PLXNA2: variants seen among roughly 807,000 people sequenced by gnomAD.
PLXNA2 encodes plexin A2.
A neutral mutation model predicts 193.5 loss-of-function variants in PLXNA2; 91 were observed. That is an observed-to-expected ratio of 0.47 (90% CI 0.40 to 0.56). The LOEUF is 0.56. PLXNA2 is among the 20% of genes least tolerant of loss of function. The probability of loss-of-function intolerance (pLI) is 0.00; values close to 1 mark genes in which losing one functional copy is unlikely to be tolerated. For missense variants in PLXNA2, 1,995 were observed against 2,503.2 expected, an observed-to-expected ratio of 0.80 and a Z score of 4.33; for synonymous variants, 997 against 1,027.3, an observed-to-expected ratio of 0.97 and a Z score of 0.56.
At chr1:208,051,524 C>T in intron 15 of PLXNA2, 101 bp from the exon 16 acceptor site, 1 of 838,690 alleles carries the variant, frequency 1.2e-6, no homozygotes, top group African/African-American at 1.7e-5. Flanking sequence ...GGTAAGGCCA[C>T]AGAAGTGTTC....
chr1:208,143,858 T>C (rs1255464880), intron 3 of PLXNA2, among the ~76,000 whole-genome samples: 1 of 152,196 alleles, frequency 6.6e-6, no homozygotes, highest in Non-Finnish European at 1.5e-5. Context: ...GTAAGTCCTG[T>C]CAACATTTTG....
rs545789308 is a variant in PLXNA2, at chr1:208,155,260, G to A, written c.1372-12797C>T. 3.3e-5 allele frequency among the ~76,000 whole-genome samples: 5 copies of A among 152,282 alleles called. No homozygotes were observed. In the South Asian group the frequency reaches 1.0e-3, roughly 32 times the overall value. Reference sequence around the variant, plus strand: ...GGGACACAGAGGGCCGCAGTCACTGGGCCGAAGGGATGGCAGCCTTCTGTC... The same window carrying A: ...GGGACACAGAGGGCCGCAGTCACTGAGCCGAAGGGATGGCAGCCTTCTGTC... On this transcript the variant is annotated intron_variant, in intron 3 of 31. Transcript: ENST00000367033.
chr1:208,229,036 TGAG>T (rs1013659204), intron 1 of PLXNA2, among the ~76,000 whole-genome samples: 2 of 152,190 alleles, frequency 1.3e-5, no homozygotes, highest in Non-Finnish European at 2.9e-5. Flanking sequence ...AAACCGGTCC[TGAG>T]GAGGAGGAGA....
chr1:208,142,858 C>T lies in PLXNA2; in HGVS notation c.1372-395G>A, dbSNP rs1035424473. Among the ~76,000 whole-genome samples the T allele has an allele frequency of 4.6e-5, 7 of 152,336 alleles. No homozygotes were observed. The East Asian group carries it at 1.2e-3, about 25-fold the overall frequency. ...TGGGGTGGGAAAGTCAACATCTGTT[C>T]ACAGTATCTTAGCCTCAGACAAGTA... On this transcript the variant is annotated intron_variant, in intron 3 of 31. Coordinates refer to ENST00000367033, the MANE Select transcript of PLXNA2 (RefSeq NM_025179.4).
At chr1:208,135,215 A>G (rs1668267766) in intron 4 of PLXNA2, among the ~76,000 whole-genome samples, 1 of 152,160 alleles carries the variant, frequency 6.6e-6, no homozygotes, top group South Asian at 2.1e-4. Flanking sequence ...GTGGCTTTAC[A>G]ATCTTTCCAA....
chr1:208,047,911 T>C (rs1665131596), intron 17 of PLXNA2, among the ~76,000 whole-genome samples: 1 of 152,170 alleles, frequency 6.6e-6, no homozygotes, highest in Admixed American at 6.5e-5. Context: ...CTTTTTGTGG[T>C]GCAATTCAGC....
chr1:208,184,651 G>T (rs993975029), intron 3 of PLXNA2, among the ~76,000 whole-genome samples: 1 of 152,080 alleles, frequency 6.6e-6, no homozygotes, highest in Non-Finnish European at 1.5e-5. Flanking sequence ...GCCAGATATT[G>T]GGCACACCCA....
chr1:208,050,658 C>G (rs1040659159), intron 17 of PLXNA2, among the ~76,000 whole-genome samples: 1 of 151,742 alleles, frequency 6.6e-6, no homozygotes, highest in Admixed American at 6.6e-5. Context: ...AAGAGAGAGA[C>G]CTCATCTCTA....
intron 4 of PLXNA2, among the ~76,000 whole-genome samples, chr1:208,106,438 G>A (rs1667273578): frequency 6.6e-6 from 1 of 152,302 alleles, no homozygotes; most frequent in South Asian, 2.1e-4. Context: ...AGAAGAAAGC[G>A]ATACGTGTTC....
chr1:208,100,643 T>C (rs1166169184), intron 5 of PLXNA2, among the ~76,000 whole-genome samples: 2 of 152,230 alleles, frequency 1.3e-5, no homozygotes. Context: ...GTTTTATTCA[T>C]TGGGATATTC....
chr1:208,213,328 C>T (rs1671022640), intron 2 of PLXNA2, among the ~76,000 whole-genome samples: 1 of 152,170 alleles, frequency 6.6e-6, no homozygotes, highest in African/African-American at 2.4e-5. Flanking sequence ...TCCTTGGAAA[C>T]AGAAGGGCTC....
At chr1:208,189,828 G>T (rs1349953513) in intron 3 of PLXNA2, among the ~76,000 whole-genome samples, 1 of 152,160 alleles carries the variant, frequency 6.6e-6, no homozygotes, top group Admixed American at 6.5e-5. Flanking sequence ...CCAGTCAGGA[G>T]CTACAAATAA....
intron 3 of PLXNA2, among the ~76,000 whole-genome samples, chr1:208,168,382 G>T (rs1000481319): frequency 6.6e-6 from 1 of 152,198 alleles, no homozygotes; most frequent in South Asian, 2.1e-4. Flanking sequence ...GAATGCAACA[G>T]GTGCTGATCT....
intron 1 of PLXNA2, among the ~76,000 whole-genome samples, chr1:208,230,865 C>T (rs1671668009): frequency 6.6e-6 from 1 of 152,196 alleles, no homozygotes; most frequent in African/African-American, 2.4e-5. Context: ...AACAGGCACG[C>T]TCACAATTAC....
chr1:208,173,284 C>G (rs535235933), intron 3 of PLXNA2, among the ~76,000 whole-genome samples: 42 of 152,268 alleles, frequency 2.8e-4, no homozygotes, highest in African/African-American at 8.4e-4. Context: ...ACTGCCATAT[C>G]GAGGATGTTG....
intron 4 of PLXNA2, among the ~76,000 whole-genome samples, chr1:208,139,195 A>G (rs1465085389): frequency 6.6e-6 from 1 of 152,224 alleles, no homozygotes; most frequent in Admixed American, 6.5e-5. Flanking sequence ...AATTTCTATA[A>G]GATCTGAAAG....
rs561221433 is a variant in PLXNA2 at position 208,197,917 on chromosome 1, C to G, written c.1371+12363G>C. Among the ~76,000 whole-genome samples, 7 of 152,262 alleles carry G rather than the reference C, an allele frequency of 4.6e-5. No homozygotes were observed. The East Asian group carries it at 7.7e-4, about 17-fold the overall frequency. ...TGCTTGCTGGTATTTCAGTAAAAGG[C>G]CCAATACAAATATAGAATGTATAAT... On this transcript the variant is annotated intron_variant, in intron 3 of 31. Transcript: ENST00000367033.
chr1:208,143,926 G>A (rs1668531970), intron 3 of PLXNA2, among the ~76,000 whole-genome samples: 1 of 152,164 alleles, frequency 6.6e-6, no homozygotes, highest in Non-Finnish European at 1.5e-5. Flanking sequence ...GCATGCGACT[G>A]GGAACATAGC....
intron 3 of PLXNA2, among the ~76,000 whole-genome samples, chr1:208,181,929 C>T (rs1422030780): frequency 2.6e-5 from 4 of 152,128 alleles, no homozygotes; most frequent in Non-Finnish European, 4.4e-5. Context: ...GACCGTGTCC[C>T]ATTTAGGAAG....
Sources: allele counts gnomAD v4.1 joint callset (sites outside exome capture counted in the v4.1 genomes callset), GRCh38; gene constraint gnomAD v4.1.1; transcripts MANE v1.5; gene names NCBI Gene and HGNC (gene_info 2026-07-23, HGNC 2026-07-21).